Variants in SPON2 observed in about 807,000 individuals in gnomAD.
The protein encoded by SPON2 is spondin-2.
SPON2 carries 32 observed loss-of-function variants against 29.9 expected under a neutral mutation model. The observed-to-expected ratio is 1.07, with a 90% CI of 0.81 to 1.44. The LOEUF is 1.44. Among genes scored for constraint, SPON2 ranks in the 40% most tolerant of loss-of-function variants. The pLI, the probability that SPON2 is intolerant of heterozygous loss-of-function variation, is 0.00. For missense variants in SPON2, 541 were observed against 455.5 expected (o/e 1.19, Z -1.71); for synonymous variants, 248 against 209.1 (o/e 1.19, Z -1.61).
At chr4:1,207,100 G>A (rs1235000087) in intron 1 of SPON2, among the ~76,000 whole-genome samples, 5 of 152,084 alleles carry the variant, frequency 3.3e-5, no homozygotes, top group East Asian at 1.9e-4. Flanking sequence ...GGCAGTGCCC[G>A]GGAGGCACTG....
chr4:1,170,116 G>T (rs1727374986), intron 5 of SPON2: 2 of 368,686 alleles, frequency 5.4e-6, no homozygotes, highest in South Asian at 3.0e-5. Flanking sequence ...TCACCTGTGG[G>T]TGCGTGTCTG....
chr4:1,171,260 C>G lies in SPON2; in HGVS notation c.444+3G>C. On this transcript the variant is annotated splice_donor_region_variant and intron_variant, in intron 3 of 5. Coordinates refer to ENST00000290902, the MANE Select transcript of SPON2 (RefSeq NM_012445.4). ...CCCCGCCCCCGGCCGGCCCCGCGCT[C>G]ACCAGCGAGTGCCTGCGCTGCACCT... is the stretch of plus-strand genomic sequence containing the variant. 1 of 1,495,230 alleles carries G rather than the reference C, an allele frequency of 6.7e-7. No homozygotes were observed. The allele number at this position is 1,495,230 out of a possible 1,614,324, so 92.6% of individuals were successfully genotyped here.
chr4:1,207,605 C>A (rs1011276629), intron 1 of SPON2, among the ~76,000 whole-genome samples: 6 of 132,558 alleles, frequency 4.5e-5, no homozygotes, highest in Admixed American at 4.3e-4. Context: ...GTCCGGCTGC[C>A]TAACCATGCG....
At chr4:1,191,147 C>G (rs1043004168) in intron 1 of SPON2, among the ~76,000 whole-genome samples, 2 of 150,968 alleles carry the variant, frequency 1.3e-5, no homozygotes, top group Admixed American at 6.6e-5. Context: ...CAAGAGGCCT[C>G]AGATTGCCAA....
chr4:1,186,041 G>T (rs556012557), intron 1 of SPON2, among the ~76,000 whole-genome samples: 12 of 150,138 alleles, frequency 8.0e-5, no homozygotes, highest in East Asian at 4.0e-4. Flanking sequence ...TCAGGAGATC[G>T]AGACCATCCT....
At position 1,168,854 on chromosome 4, in the gene SPON2, G is replaced by A. The variant is rs1205010603; in HGVS notation, c.812-1198C>T. The stretch of plus-strand genomic sequence containing the variant: ...CAGGAAGCCAGAGCTGAGCCAGGCT[G>A]GCTTGGCGTGGACCTGGCGGAGCCT... On this transcript the variant is annotated intron_variant, in intron 5 of 5. Transcript: ENST00000290902. 2.0e-5 allele frequency among the ~76,000 whole-genome samples: 3 copies of A among 152,238 alleles called. No individual in the cohort carries two copies. The East Asian group carries it at 5.8e-4, about 29-fold the overall frequency.
rs532116128 is a variant in SPON2, at chr4:1,183,120, A to G, written c.-238-3579T>C. Among the ~76,000 whole-genome samples the G allele has an allele frequency of 2.3e-4, 35 of 152,238 alleles. No individual in the cohort carries two copies. The East Asian group carries it at 6.2e-3, about 27-fold the overall frequency. Reference sequence around the variant, plus strand: ...GCTGGGTGTGGTGGTGCATGCCTGTAATCCCAGTTACTCAGGAGGCTGAGG... The same window carrying G: ...GCTGGGTGTGGTGGTGCATGCCTGTGATCCCAGTTACTCAGGAGGCTGAGG... On this transcript the variant is annotated intron_variant, in intron 1 of 3. Coordinates refer to the SPON2 transcript ENST00000502483.
intron 1 of SPON2, among the ~76,000 whole-genome samples, chr4:1,183,160 A>G (rs2108658941): frequency 6.6e-6 from 1 of 151,458 alleles, no homozygotes; most frequent in Admixed American, 6.6e-5. Context: ...AGAATCGCTT[A>G]GAACACGGGA....
intron 1 of SPON2, among the ~76,000 whole-genome samples, chr4:1,183,053 C>T (rs528157167): frequency 9.0e-6 from 1 of 110,916 alleles, no homozygotes; most frequent in African/African-American, 4.6e-5. Flanking sequence ...CCAGCCTGGC[C>T]AACATGGTGA....
chr4:1,196,574 C>A (rs1728074900), upstream of SPON2, among the ~76,000 whole-genome samples: 4 of 152,206 alleles, frequency 2.6e-5, no homozygotes, highest in African/African-American at 9.6e-5. Flanking sequence ...TGCCTGCCTG[C>A]CACACACCCC....
intron 1 of SPON2, among the ~76,000 whole-genome samples, chr4:1,183,086 C>T (rs1727727964): frequency 6.6e-6 from 1 of 151,612 alleles, no homozygotes; most frequent in Admixed American, 6.6e-5. Context: ...ACTAAAAATA[C>T]AAAAATTAGC....
At chr4:1,187,235 G>A (rs1727823763) in intron 1 of SPON2, among the ~76,000 whole-genome samples, 1 of 152,204 alleles carries the variant, frequency 6.6e-6, no homozygotes, top group Admixed American at 6.5e-5. Context: ...GATCACCCTT[G>A]AGGACATTAT....
rs933831262 is a variant in SPON2 at position 1,202,391 on chromosome 4, C to A, written c.-234+5489G>T. ...CAGCCTGAGCTTTAGAGGACGGAAA[C>A]GTTCCAACCACGGCACTGCACGCCA... On this transcript the variant is annotated intron_variant, in intron 1 of 3. Coordinates refer to the SPON2 transcript ENST00000509233. This position sits in a 1 kb window ranked among gnomAD's most constrained non-coding sequence, Gnocchi z 5.4. Among the ~76,000 whole-genome samples, 1 of 152,330 alleles carries A rather than the reference C, an allele frequency of 6.6e-6. No individual in the cohort carries two copies. Among genetic ancestry groups the A allele is most frequent in the African/African-American group, 2.4e-5 (1 of 41,586 alleles).
At chr4:1,176,553 A>T (rs914355974), upstream of SPON2, among the ~76,000 whole-genome samples, 4 of 152,116 alleles carry the variant, frequency 2.6e-5, no homozygotes, top group Non-Finnish European at 5.9e-5. Context: ...TAATTCACTC[A>T]CACAGTACAT....
intron 3 of SPON2, 26 bp from the exon 4 acceptor site, chr4:1,171,216 C>A: frequency 6.9e-7 from 1 of 1,459,192 alleles, no homozygotes; most frequent in Non-Finnish European, 9.0e-7. Context: ...CTCAGCGCGC[C>A]TGGCCCCGGC....
In SPON2 at chr4:1,167,520, G is replaced by C; in HGVS notation, c.948C>G (p.Cys316Trp). 1 of 1,613,830 alleles carries C rather than the reference G, an allele frequency of 6.2e-7. No homozygotes were observed. Among genetic ancestry groups the C allele is most frequent in the Non-Finnish European group, 8.5e-7 (1 of 1,180,000 alleles). Reference protein sequence around the residue: ...RVQPANNGSPCPELEEEAECV... With the variant: ...RVQPANNGSPWPELEEEAECV... ...ACTCAGCCTCTTCTTCGAGCTCGGG[G>C]CAGGGGCTCCCGTTGTTGGCGGGCT... The change falls in exon 6 of 6, where the codon TGC becomes TGG. Residue 316 changes from cysteine to tryptophan, a missense_variant. Transcript: ENST00000290902.
At chr4:1,201,012 C>T (rs765640491) in intron 1 of SPON2, 3 of 456,632 alleles carry the variant, frequency 6.6e-6, no homozygotes, top group Non-Finnish European at 1.3e-5. Flanking sequence ...GTGGACTGTT[C>T]CCACCATACC....
chr4:1,192,081 CA>C (rs1402325452), intron 1 of SPON2, among the ~76,000 whole-genome samples: 5 of 152,250 alleles, frequency 3.3e-5, no homozygotes, highest in Admixed American at 6.5e-5. Flanking sequence ...ATGCTAGCGT[CA>C]GGGGACAAGG....
chr4:1,193,950 G>A (rs1177275562), intron 1 of SPON2, among the ~76,000 whole-genome samples: 3 of 151,550 alleles, frequency 2.0e-5, no homozygotes, highest in Non-Finnish European at 2.9e-5. Context: ...GGAATAACAC[G>A]GGGGTGGCGT....
Sources: allele counts gnomAD v4.1 joint callset (sites outside exome capture counted in the v4.1 genomes callset), GRCh38; gene constraint gnomAD v4.1.1; non-coding constraint Gnocchi (gnomAD v3.1); transcripts MANE v1.5; gene names NCBI Gene and HGNC (gene_info 2026-07-23, HGNC 2026-07-21).